Variants in ETS1 observed in about 807,000 individuals in gnomAD.
ETS1 encodes ETS proto-oncogene 1, transcription factor.
ETS1 carries 15 observed loss-of-function variants against 58.6 expected under a neutral mutation model. That is an observed-to-expected ratio of 0.26 (90% CI 0.17 to 0.39). ETS1 has a LOEUF of 0.39. ETS1 is among the 10% of genes least tolerant of loss of function. The pLI is 1.00. For synonymous variants in ETS1, 214 were observed against 218.2 expected (o/e 0.98, Z 0.17); for missense variants, 417 against 610.5 (o/e 0.68, Z 3.34).
intron 3 of ETS1, among the ~76,000 whole-genome samples, chr11:128,534,090 G>C (rs1269410148): frequency 6.6e-6 from 1 of 152,190 alleles, no homozygotes; most frequent in African/African-American, 2.4e-5. Flanking sequence ...TCCTACACAT[G>C]CACACATGTT....
chr11:128,521,995 G>C (rs373903817), intron 3 of ETS1: 1 of 1,590,398 alleles, frequency 6.3e-7, no homozygotes, highest in East Asian at 2.4e-5. Context: ...CCGCCTTCAT[G>C]GTGCCAGGAG....
intron 2 of ETS1, among the ~76,000 whole-genome samples, chr11:128,570,302 A>G (rs1864600138): frequency 6.7e-6 from 1 of 149,662 alleles, no homozygotes; most frequent in African/African-American, 2.5e-5. Flanking sequence ...CAATGGCACA[A>G]TTTCAGCTCA....
chr11:128,563,127 C>A (rs1226150872), intron 2 of ETS1, among the ~76,000 whole-genome samples: 1 of 152,114 alleles, frequency 6.6e-6, no homozygotes, highest in Non-Finnish European at 1.5e-5. Flanking sequence ...TAGTTGCTCA[C>A]CTTCTGTATG....
At chr11:128,519,079 C>T (rs1430585609) in intron 3 of ETS1, among the ~76,000 whole-genome samples, 1 of 152,214 alleles carries the variant, frequency 6.6e-6, no homozygotes. Flanking sequence ...TGTTTTTAAG[C>T]TATTTAAGAT....
intron 1 of ETS1, among the ~76,000 whole-genome samples, chr11:128,574,877 T>C (rs1442882108): frequency 6.6e-6 from 1 of 152,260 alleles, no homozygotes; most frequent in Non-Finnish European, 1.5e-5. Flanking sequence ...CATATGATAA[T>C]GGCTTAACCA....
intron 6 of ETS1, among the ~76,000 whole-genome samples, 174 bp from the exon 7 acceptor site, chr11:128,485,245 CCCT>C (rs1862596955): frequency 6.6e-6 from 1 of 152,154 alleles, no homozygotes; most frequent in African/African-American, 2.4e-5. Flanking sequence ...ACAGCTTTAG[CCCT>C]TGACAAGGTA....
At chr11:128,560,237 C>G (rs1393684671) in intron 2 of ETS1, among the ~76,000 whole-genome samples, 2 of 152,162 alleles carry the variant, frequency 1.3e-5, no homozygotes, top group African/African-American at 4.8e-5. Context: ...CTCAGCCTCC[C>G]AAGAACCTGG....
intron 8 of ETS1, among the ~76,000 whole-genome samples, chr11:128,466,759 A>G (rs55661779): frequency 0.47 from 69,795 of 149,850 alleles, 17,970 homozygotes; most frequent in Admixed American, 0.63. Context: ...CTAGGTGCAG[A>G]GCTCTCTAAC....
intron 5 of ETS1, among the ~76,000 whole-genome samples, chr11:128,487,522 C>T (rs1008851183): frequency 5.3e-5 from 8 of 152,096 alleles, no homozygotes; most frequent in South Asian, 4.1e-4. Flanking sequence ...GGGCAGATCA[C>T]GAGGTCAAGG....
rs1443738128 is a variant in ETS1, at chr11:128,522,137, T to C, written c.215-31561A>G. The C allele has an allele frequency of 2.3e-6, 3 of 1,318,948 alleles. No homozygotes were observed. The African/African-American group carries it at 4.6e-5, about 20-fold the overall frequency. The allele number at this position is 1,318,948 out of a possible 1,614,324, so 81.7% of individuals were successfully genotyped here. A position where few individuals can be genotyped will look rare whatever the true frequency, so the allele number is the denominator to read the frequency against. On this transcript the variant is annotated intron_variant, in intron 3 of 9. Coordinates refer to ENST00000392668, the MANE Select transcript of ETS1 (RefSeq NM_001143820.2). Reference sequence around the variant, plus strand: ...AAAAATCTCAAATTCCCGCTGCCTTTCTTTCCCCCGCGCCCGGACGGTGCG... The same window carrying C: ...AAAAATCTCAAATTCCCGCTGCCTTCCTTTCCCCCGCGCCCGGACGGTGCG...
At chr11:128,541,470 A>G (rs931841428) in intron 3 of ETS1, among the ~76,000 whole-genome samples, 7 of 152,200 alleles carry the variant, frequency 4.6e-5, no homozygotes, top group Admixed American at 4.6e-4. Context: ...GGCAAGTATT[A>G]GGCTAGGCAT....
chr11:128,580,659 A>T (rs1864847900), intron 1 of ETS1, among the ~76,000 whole-genome samples: 1 of 152,250 alleles, frequency 6.6e-6, no homozygotes, highest in South Asian at 2.1e-4. Flanking sequence ...TTAAGTAGCC[A>T]GCACTGACAA....
intron 3 of ETS1, among the ~76,000 whole-genome samples, chr11:128,545,644 T>C (rs1273668542): frequency 2.6e-5 from 4 of 152,236 alleles, no homozygotes; most frequent in African/African-American, 9.6e-5. Context: ...GGCCTTCTTT[T>C]GGACTTTCTG....
intron 8 of ETS1, among the ~76,000 whole-genome samples, chr11:128,471,598 C>T (rs1005127048): frequency 2.6e-5 from 4 of 152,326 alleles, no homozygotes; most frequent in African/African-American, 9.6e-5. Context: ...TTCTTTATAG[C>T]TCTTTCCTCC....
At chr11:128,521,809 G>T in intron 3 of ETS1, 1 of 860,114 alleles carries the variant, frequency 1.2e-6, no homozygotes, top group Non-Finnish European at 1.7e-6. Context: ...CGCTCCTGAA[G>T]AAATGCACCG....
intron 2 of ETS1, among the ~76,000 whole-genome samples, chr11:128,572,540 T>C (rs538847757): frequency 1.3e-5 from 2 of 152,330 alleles, no homozygotes; most frequent in African/African-American, 2.4e-5. Context: ...TTCTCACCTA[T>C]GGACAAAAAA....
chr11:128,469,012 C>T (rs1172309531), intron 8 of ETS1, among the ~76,000 whole-genome samples: 2 of 152,216 alleles, frequency 1.3e-5, no homozygotes, highest in East Asian at 3.8e-4. Context: ...AACAAACCTC[C>T]TCTGAAGAAA....
At chr11:128,471,195 G>T (rs1009172697) in intron 8 of ETS1, among the ~76,000 whole-genome samples, 5 of 152,204 alleles carry the variant, frequency 3.3e-5, no homozygotes, top group African/African-American at 1.2e-4. Flanking sequence ...AGAACCTCTT[G>T]TCCAGCCATC....
At chr11:128,518,483 C>T (rs1863581144) in intron 3 of ETS1, among the ~76,000 whole-genome samples, 1 of 152,168 alleles carries the variant, frequency 6.6e-6, no homozygotes, top group Admixed American at 6.5e-5. Flanking sequence ...GATATTCATC[C>T]TATGAAGTAG....
Sources: allele counts gnomAD v4.1 joint callset (sites outside exome capture counted in the v4.1 genomes callset), GRCh38; gene constraint gnomAD v4.1.1; transcripts MANE v1.5; gene names NCBI Gene and HGNC (gene_info 2026-07-23, HGNC 2026-07-21).